The following MLXIP variants were observed in gnomAD, a reference collection of about 807,000 sequenced individuals.
The protein encoded by MLXIP is MLX-interacting protein.
In MLXIP, 30 loss-of-function variants were observed where a neutral mutation model predicts 87.2. The ratio of observed to expected loss-of-function variants is 0.34; its 90% confidence interval spans 0.26 to 0.47. The LOEUF (loss-of-function observed/expected upper bound fraction) is 0.47. MLXIP is among the 20% of genes least tolerant of loss of function. The pLI is 1.00. For missense variants in MLXIP, 1,002 were observed against 1,240.1 expected (o/e 0.81, Z 2.88); for synonymous variants, 530 against 514.0 (o/e 1.03, Z -0.42).
intron 1 of MLXIP, among the ~76,000 whole-genome samples, chr12:122,107,012 C>T (rs776221720): frequency 3.3e-5 from 5 of 152,220 alleles, no homozygotes; most frequent in African/African-American, 4.8e-5. Flanking sequence ...GCCCACGCCT[C>T]TCCTCTGAGA....
chr12:122,096,005 C>T (rs1002418152), intron 1 of MLXIP, among the ~76,000 whole-genome samples: 5 of 152,102 alleles, frequency 3.3e-5, no homozygotes, highest in African/African-American at 1.2e-4. Context: ...GCTGGGACTA[C>T]AGGCTTGGGC....
chr12:122,096,736 TGTG>T (rs1952357989), intron 1 of MLXIP, among the ~76,000 whole-genome samples: 1 of 152,194 alleles, frequency 6.6e-6, no homozygotes, highest in Admixed American at 6.5e-5. Flanking sequence ...TTGCATGCCT[TGTG>T]GTGCTCTGCT....
At chr12:122,084,972 G>A (rs1356594963) in intron 1 of MLXIP, among the ~76,000 whole-genome samples, 2 of 152,186 alleles carry the variant, frequency 1.3e-5, no homozygotes, top group East Asian at 3.8e-4. Flanking sequence ...TTAATTAGCT[G>A]TGTTACCGAG....
At chr12:122,094,143 G>T (rs1354557519) in intron 1 of MLXIP, among the ~76,000 whole-genome samples, 1 of 142,578 alleles carries the variant, frequency 7.0e-6, no homozygotes, top group Non-Finnish European at 1.5e-5. Flanking sequence ...TGTGGGGTGT[G>T]TGGGATGTGT....
intron 6 of MLXIP, 33 bp downstream of exon 6, chr12:122,130,145 G>A: frequency 6.3e-7 from 1 of 1,589,144 alleles, no homozygotes; most frequent in Non-Finnish European, 8.6e-7. Context: ...GCTTTGAACA[G>A]CCAGCCGCTT....
chr12:122,093,818 GGTGT>G (rs1325932692), intron 1 of MLXIP, among the ~76,000 whole-genome samples: 4 of 146,610 alleles, frequency 2.7e-5, no homozygotes, highest in South Asian at 2.2e-4. Flanking sequence ...GTCGTGTGTT[GGTGT>G]GTGTGTCAGT....
intron 12 of MLXIP, 112 bp from the exon 13 acceptor site, chr12:122,138,082 G>T (rs569849658): frequency 2.3e-6 from 2 of 856,690 alleles, no homozygotes; most frequent in Admixed American, 2.7e-5. Flanking sequence ...CTCCTCCCAC[G>T]TAGCTCTCTA....
At position 122,140,994 on chromosome 12, in the gene MLXIP, G is replaced by A. The variant is rs563309090; in HGVS notation, c.2549G>A (p.Gly850Asp). The A allele has an allele frequency of 1.2e-6, 2 of 1,614,010 alleles. No individual in the cohort carries two copies. Among genetic ancestry groups the A allele is most frequent in the Admixed American group, 3.3e-5 (2 of 60,030 alleles). Residue 850 changes from glycine to aspartate, a missense_variant, in exon 16 of 17, where the codon GGC becomes GAC. Physicochemically the swap from Gly to Asp is moderately conservative, Grantham distance 94. This residue lies in a region of MLXIP where 746 missense variants were observed against 897.0 expected (regional missense o/e 0.83). Transcript: ENST00000319080. ...IIKPLFESFK[G>D]MVSTSSLEEL... is the part of the protein sequence containing the mutation. Reference sequence around the variant, plus strand: ...AAGCCGCTGTTTGAGTCGTTCAAGGGCATGGTGTCCACCAGCAGCCTGGAG... The same window carrying A: ...AAGCCGCTGTTTGAGTCGTTCAAGGACATGGTGTCCACCAGCAGCCTGGAG...
intron 1 of MLXIP, among the ~76,000 whole-genome samples, chr12:122,113,631 C>T (rs1436069228): frequency 1.3e-5 from 2 of 149,822 alleles, no homozygotes; most frequent in Non-Finnish European, 3.0e-5. Context: ...ATTGCCAAGA[C>T]TTAAGGGCCA....
rs558433345 is a variant in MLXIP, at chr12:122,141,881, G to A, written c.*69G>A. 53 of 1,580,082 alleles carry A rather than the reference G, an allele frequency of 3.4e-5. No individual in the cohort carries two copies. The highest frequency in any genetic ancestry group is 2.3e-4 in the Middle Eastern group (1 of 4,426). The stretch of plus-strand genomic sequence containing the variant: ...TCCCTGCCCATGGAGAGTAGGCTGC[G>A]CCCCCCAGCCCTTCCTGACGCTCAG... On this transcript the variant is annotated 3_prime_UTR_variant, in exon 17 of 17. Transcript: ENST00000319080.
In MLXIP at chr12:122,138,859, G is replaced by A. The variant is rs1565990011; in HGVS notation, c.2429G>A (p.Arg810Gln). Residue 810 changes from arginine to glutamine, a missense_variant, in exon 15 of 17, where the codon CGG becomes CAG. Coordinates refer to ENST00000319080, the MANE Select transcript of MLXIP (RefSeq NM_014938.6). ...CCTGCCACGGGAGTCCCCGTTACCC[G>A]GCGCCAGTTTGATCACATGAAAGAC... is the stretch of plus-strand genomic sequence containing the variant. ...LLPATGVPVT[R>Q]RQFDHMKDMF... The A allele has an allele frequency of 6.8e-6, 11 of 1,613,872 alleles. No individual in the cohort carries two copies. Among genetic ancestry groups the A allele is most frequent in the Admixed American group, 1.7e-5 (1 of 59,992 alleles).
chr12:122,089,355 A>G (rs996381360), intron 1 of MLXIP, among the ~76,000 whole-genome samples: 1 of 152,216 alleles, frequency 6.6e-6, no homozygotes, highest in Non-Finnish European at 1.5e-5. Context: ...AATTCCTTTT[A>G]TTTATTAAAA....
At chr12:122,127,193 T>G in intron 1 of MLXIP, 63 bp from the exon 2 acceptor site, 1 of 1,331,408 alleles carries the variant, frequency 7.5e-7, no homozygotes, top group East Asian at 2.4e-5. Context: ...CGGGTGGCAC[T>G]TTGTAATTTC....
At chr12:122,134,989 T>A (rs1403952992) in intron 9 of MLXIP, 11 of 478,982 alleles carry the variant, frequency 2.3e-5, no homozygotes, top group Non-Finnish European at 2.7e-5. Flanking sequence ...ATCTTTTTTT[T>A]AAAGTTAGTC....
intron 1 of MLXIP, among the ~76,000 whole-genome samples, chr12:122,110,436 T>C (rs1381046577): frequency 6.6e-6 from 1 of 151,916 alleles, no homozygotes; most frequent in Non-Finnish European, 1.5e-5. Context: ...TACAGGTATG[T>C]GCCACCACGC....
chr12:122,103,811 G>T (rs1952476969), intron 1 of MLXIP, among the ~76,000 whole-genome samples: 1 of 149,950 alleles, frequency 6.7e-6, no homozygotes, highest in African/African-American at 2.5e-5. Context: ...TTACAGGTGT[G>T]AGCCACTGTG....
At chr12:122,128,574 T>G in intron 3 of MLXIP, 1 of 158,196 alleles carries the variant, frequency 6.3e-6, no homozygotes, top group Non-Finnish European at 1.4e-5. Context: ...ACACACACAG[T>G]GTTTGTAGGT....
chr12:122,093,223 T>G (rs1952276051), intron 1 of MLXIP, among the ~76,000 whole-genome samples: 1 of 150,058 alleles, frequency 6.7e-6, no homozygotes, highest in African/African-American at 2.5e-5. Context: ...GTGTGTGGTG[T>G]GTGTAGTGTA....
chr12:122,142,046 C>G lies in MLXIP; in HGVS notation c.*234C>G. 1.5e-6 allele frequency: 1 copy of G among 676,194 alleles called. No individual in the cohort carries two copies. The highest frequency in any genetic ancestry group is 2.6e-6 in the Non-Finnish European group (1 of 384,656). The allele number at this position is 676,194 out of a possible 1,614,324, so 41.9% of individuals were successfully genotyped here. A position where few individuals can be genotyped will look rare whatever the true frequency, so the allele number is the denominator to read the frequency against. On this transcript the variant is annotated 3_prime_UTR_variant, in exon 17 of 17. Coordinates refer to ENST00000319080, the MANE Select transcript of MLXIP (RefSeq NM_014938.6). ...GCTGTGAACTCTCTCACTCAGTGACCTCAGTCACCAACCTCCTCTGCCCTC... is the reference window on the plus strand; with the variant it reads ...GCTGTGAACTCTCTCACTCAGTGACGTCAGTCACCAACCTCCTCTGCCCTC...
Sources: allele counts gnomAD v4.1 joint callset (sites outside exome capture counted in the v4.1 genomes callset), GRCh38; gene constraint gnomAD v4.1.1; regional missense constraint gnomAD v4.1.1; transcripts MANE v1.5; gene names NCBI Gene and HGNC (gene_info 2026-07-23, HGNC 2026-07-21).